Variants in MAPK8 observed in about 807,000 individuals in gnomAD.
The protein encoded by MAPK8 is JUN N-terminal kinase.
Under a neutral mutation model 52.9 loss-of-function variants are expected in MAPK8, and 13 were observed. The ratio of observed to expected loss-of-function variants is 0.25; its 90% confidence interval spans 0.16 to 0.39. The LOEUF (loss-of-function observed/expected upper bound fraction) is 0.39. MAPK8 is among the 10% of genes least tolerant of loss of function. MAPK8 has a pLI of 1.00. For missense variants in MAPK8, 300 were observed against 519.2 expected, an observed-to-expected ratio of 0.58 and a Z score of 4.10; for synonymous variants, 191 against 169.8, an observed-to-expected ratio of 1.12 and a Z score of -0.97.
rs2044770421 is a variant in MAPK8 at position 48,435,359 on chromosome 10, G to A, written c.*330G>A. 4.9e-6 allele frequency: 1 copy of A among 205,726 alleles called. No individual in the cohort carries two copies. The highest frequency in any genetic ancestry group is 1.8e-4 in the South Asian group (1 of 5,500). The allele number at this position is 205,726 out of a possible 1,614,324, so 12.7% of individuals were successfully genotyped here. A position where few individuals can be genotyped will look rare whatever the true frequency, so the allele number is the denominator to read the frequency against. ...TTTTTAACTGAATTTGTAAGATTTT[G>A]TTTATCAAAGCAACTATTATGTGGT... On this transcript the variant is annotated 3_prime_UTR_variant, in exon 12 of 12. Coordinates refer to ENST00000374189, the MANE Select transcript of MAPK8 (RefSeq NM_001323329.2).
intron 3 of MAPK8, among the ~76,000 whole-genome samples, chr10:48,407,389 ATTG>A (rs1183768579): frequency 1.3e-5 from 2 of 151,974 alleles, no homozygotes; most frequent in Non-Finnish European, 2.9e-5. Flanking sequence ...ATTTATTGCT[ATTG>A]TTCTTTGTTG....
intron 1 of MAPK8, among the ~76,000 whole-genome samples, chr10:48,360,895 A>G (rs1468327948): frequency 6.6e-6 from 1 of 152,050 alleles, no homozygotes; most frequent in East Asian, 1.9e-4. Flanking sequence ...ATTTTAAGGG[A>G]TTGGTAATGG....
intron 1 of MAPK8, among the ~76,000 whole-genome samples, chr10:48,342,070 C>T (rs1193205066): frequency 6.6e-6 from 1 of 152,190 alleles, no homozygotes; most frequent in Non-Finnish European, 1.5e-5. Context: ...GGGCCTATAT[C>T]ACACAAGACT....
intron 1 of MAPK8, among the ~76,000 whole-genome samples, chr10:48,353,008 A>T (rs1846485196): frequency 2.0e-5 from 3 of 152,240 alleles, no homozygotes; most frequent in African/African-American, 7.2e-5. Context: ...ATTGCTAAAA[A>T]AAAAGTGAAA....
At chr10:48,337,120 C>T (rs779363804) in intron 1 of MAPK8, among the ~76,000 whole-genome samples, 10 of 152,224 alleles carry the variant, frequency 6.6e-5, no homozygotes, top group East Asian at 5.8e-4. Context: ...ACCAAATGGA[C>T]GTAATACACA....
chr10:48,404,413 C>G (rs967366688), intron 2 of MAPK8, among the ~76,000 whole-genome samples: 2 of 152,144 alleles, frequency 1.3e-5, no homozygotes, highest in African/African-American at 4.8e-5. Flanking sequence ...ACCTTGACCT[C>G]CCAAAGTGCT....
intron 1 of MAPK8, among the ~76,000 whole-genome samples, chr10:48,341,810 T>C (rs1288207643): frequency 1.3e-5 from 2 of 152,216 alleles, no homozygotes; most frequent in Non-Finnish European, 2.9e-5. Context: ...CAGGGAAAGC[T>C]TCCCTGAGAA....
intron 1 of MAPK8, among the ~76,000 whole-genome samples, chr10:48,324,407 G>A (rs1223910149): frequency 1.3e-5 from 2 of 151,058 alleles, no homozygotes; most frequent in African/African-American, 4.9e-5. Context: ...AGGTCAACTT[G>A]TAACTGCTTT....
rs988585000 is a variant in MAPK8, at chr10:48,420,078, A to G, written c.451-77A>G. The G allele has an allele frequency of 5.7e-6, 6 of 1,047,264 alleles. No individual in the cohort carries two copies. In the African/African-American group the frequency reaches 8.0e-5, roughly 14 times the overall value. The allele number at this position is 1,047,264 out of a possible 1,614,324, so 64.9% of individuals were successfully genotyped here. ...AATTAACATGAATGTTTTGCAAGGG[A>G]TAGTATAACTTTATTGTGAACTGTA... On this transcript the variant is annotated intron_variant, in intron 5 of 11. Coordinates refer to ENST00000374189, the MANE Select transcript of MAPK8 (RefSeq NM_001323329.2).
chr10:48,413,633 A>G (rs2042879032), intron 5 of MAPK8, among the ~76,000 whole-genome samples: 1 of 151,752 alleles, frequency 6.6e-6, no homozygotes, highest in Non-Finnish European at 1.5e-5. Flanking sequence ...TTTGGCTGAC[A>G]TCACTGCCTC....
At chr10:48,384,287 C>T (rs1199724597) in intron 1 of MAPK8, among the ~76,000 whole-genome samples, 1 of 152,170 alleles carries the variant, frequency 6.6e-6, no homozygotes, top group African/African-American at 2.4e-5. Flanking sequence ...AAAGCACCTT[C>T]ACCAAAGACT....
At chr10:48,384,778 C>G (rs1449028401) in intron 1 of MAPK8, among the ~76,000 whole-genome samples, 1 of 152,188 alleles carries the variant, frequency 6.6e-6, no homozygotes. Flanking sequence ...CATAGTTGGC[C>G]AGGTGCCAAG....
rs2042162385 is a variant in MAPK8 at position 48,401,593 on chromosome 10, G to A, written c.-49-19G>A. On this transcript the variant is annotated intron_variant, in intron 1 of 11. Transcript: ENST00000374189. Reference sequence around the variant, plus strand: ...AACAAGTTCATTTTGTTAACATCATGTTTTGTTGCATCTTGCAGCTTCTTG... The same window carrying A: ...AACAAGTTCATTTTGTTAACATCATATTTTGTTGCATCTTGCAGCTTCTTG... The A allele has an allele frequency of 1.3e-6, 2 of 1,558,638 alleles. No individual in the cohort carries two copies. Among genetic ancestry groups the A allele is most frequent in the Middle Eastern group, 1.7e-4 (1 of 5,864 alleles).
At chr10:48,358,780 T>C (rs564458002) in intron 1 of MAPK8, among the ~76,000 whole-genome samples, 1 of 152,204 alleles carries the variant, frequency 6.6e-6, no homozygotes, top group Admixed American at 6.5e-5. Flanking sequence ...TTTGAGTTAA[T>C]TTTTGAACAT....
At chr10:48,322,542 A>G (rs193105522) in intron 1 of MAPK8, among the ~76,000 whole-genome samples, 361 of 152,262 alleles carry the variant, frequency 2.4e-3, no homozygotes, top group Non-Finnish European at 3.9e-3. Context: ...TCCGGAGTCT[A>G]CGAAGGCTGG....
intron 1 of MAPK8, among the ~76,000 whole-genome samples, chr10:48,359,865 T>C (rs1375035958): frequency 1.3e-5 from 2 of 152,210 alleles, no homozygotes; most frequent in Non-Finnish European, 2.9e-5. Flanking sequence ...AGATTCTTAA[T>C]CAAGACACAG....
intron 1 of MAPK8, among the ~76,000 whole-genome samples, chr10:48,362,147 A>C (rs956116556): frequency 1.3e-5 from 2 of 152,106 alleles, no homozygotes; most frequent in Non-Finnish European, 2.9e-5. Context: ...TGCCCAGCAA[A>C]ATGGAATATT....
chr10:48,386,806 A>G (rs1233324405), intron 1 of MAPK8, among the ~76,000 whole-genome samples: 1 of 152,182 alleles, frequency 6.6e-6, no homozygotes. Flanking sequence ...CCATTGAAAT[A>G]TATATATTTT....
intron 1 of MAPK8, among the ~76,000 whole-genome samples, chr10:48,392,395 T>C (rs1158629581): frequency 6.6e-6 from 1 of 152,150 alleles, no homozygotes; most frequent in Admixed American, 6.6e-5. Context: ...AGCCGGGAGC[T>C]GTGGATGAAA....
Sources: gnomAD v4.1 joint callset for allele counts (sites outside exome capture counted in the v4.1 genomes callset) on GRCh38, gnomAD v4.1.1 for gene constraint, MANE v1.5 for transcripts, NCBI Gene and HGNC (gene_info 2026-07-23, HGNC 2026-07-21) for gene names.